Variants in SLC2A13 observed in about 807,000 individuals in gnomAD.
The protein encoded by SLC2A13 is proton myo-inositol cotransporter.
SLC2A13 carries 32 observed loss-of-function variants against 64.4 expected under a neutral mutation model. The observed-to-expected ratio is 0.50, with a 90% confidence interval of 0.37 to 0.67. The LOEUF (loss-of-function observed/expected upper bound fraction) is 0.67. Ranked by LOEUF, SLC2A13 falls within the 30% of genes least tolerant of loss-of-function variation. The pLI, the probability that SLC2A13 is intolerant of heterozygous loss-of-function variation, is 0.00. For missense variants in SLC2A13, 743 were observed against 829.2 expected, an observed-to-expected ratio of 0.90 and a Z score of 1.28; for synonymous variants, 338 against 327.1, an observed-to-expected ratio of 1.03 and a Z score of -0.36.
chr12:39,803,374 A>G (rs1385190066), intron 7 of SLC2A13, among the ~76,000 whole-genome samples: 1 of 152,202 alleles, frequency 6.6e-6, no homozygotes, highest in East Asian at 1.9e-4. Context: ...GTGGATAACA[A>G]CAATAAACAG....
chr12:39,919,667 G>A (rs1040566140), intron 4 of SLC2A13, among the ~76,000 whole-genome samples: 1 of 151,970 alleles, frequency 6.6e-6, no homozygotes, highest in African/African-American at 2.4e-5. Flanking sequence ...GGCTTGGATG[G>A]AAACACCCCC....
intron 3 of SLC2A13, among the ~76,000 whole-genome samples, chr12:40,003,594 G>A (rs1020254047): frequency 6.6e-6 from 1 of 151,928 alleles, no homozygotes; most frequent in South Asian, 2.1e-4. Context: ...TGACATGCCA[G>A]GCCCCTAATA....
At chr12:39,981,127 G>A (rs957153416) in intron 3 of SLC2A13, among the ~76,000 whole-genome samples, 23 of 151,500 alleles carry the variant, frequency 1.5e-4, no homozygotes, top group African/African-American at 4.6e-4. Context: ...TGAAACCAAC[G>A]AGAACAAAGA....
intron 1 of SLC2A13, among the ~76,000 whole-genome samples, chr12:40,093,207 T>A (rs181177860): frequency 9.2e-5 from 14 of 152,326 alleles, no homozygotes; most frequent in Admixed American, 5.9e-4. Context: ...AATACCTATT[T>A]TCTCCCAACC....
intron 7 of SLC2A13, among the ~76,000 whole-genome samples, chr12:39,813,656 T>C (rs1438572275): frequency 6.6e-6 from 1 of 152,182 alleles, no homozygotes; most frequent in African/African-American, 2.4e-5. Context: ...TGAATCAAGA[T>C]TCAAATAAGG....
At chr12:39,881,371 A>G (rs528946128) in intron 4 of SLC2A13, among the ~76,000 whole-genome samples, 116 of 152,286 alleles carry the variant, frequency 7.6e-4, no homozygotes, top group South Asian at 2.5e-3. Flanking sequence ...GATATGATGA[A>G]TTATTGTACA....
intron 3 of SLC2A13, among the ~76,000 whole-genome samples, chr12:39,990,067 G>A (rs1021409188): frequency 6.6e-6 from 1 of 152,066 alleles, no homozygotes; most frequent in South Asian, 2.1e-4. Context: ...TCCAAGTCTA[G>A]GACTCCTTCC....
chr12:40,033,071 C>T (rs1947928092), intron 2 of SLC2A13, among the ~76,000 whole-genome samples: 1 of 152,154 alleles, frequency 6.6e-6, no homozygotes, highest in African/African-American at 2.4e-5. Context: ...AACATTTACT[C>T]CCATGATTTC....
chr12:40,022,418 T>C (rs1947735174), intron 3 of SLC2A13, among the ~76,000 whole-genome samples: 1 of 152,234 alleles, frequency 6.6e-6, no homozygotes, highest in African/African-American at 2.4e-5. Context: ...ACTTCTCCTA[T>C]ATGATTAAAT....
At chr12:39,831,101 A>C (rs1481032718) in intron 6 of SLC2A13, among the ~76,000 whole-genome samples, 1 of 152,192 alleles carries the variant, frequency 6.6e-6, no homozygotes, top group Non-Finnish European at 1.5e-5. Flanking sequence ...GATGGCAAGC[A>C]CATGCAAGGT....
In SLC2A13 at chr12:39,757,885, T is replaced by C. The variant is rs964233345; in HGVS notation, c.*2141A>G. 3 of 152,196 alleles carry C rather than the reference T, an allele frequency of 2.0e-5. No homozygotes were observed. The highest frequency in any genetic ancestry group is 3.8e-4 in the East Asian group (2 of 5,312). 9.4% of individuals were successfully genotyped at this position (152,196 alleles called of 1,614,324 possible). A position where few individuals can be genotyped will look rare whatever the true frequency, so the allele number is the denominator to read the frequency against. On this transcript the variant is annotated 3_prime_UTR_variant, in exon 10 of 10. Coordinates refer to ENST00000280871, the MANE Select transcript of SLC2A13 (RefSeq NM_052885.4). ...GCTACATATACAATAAAGAGAAGGATTGAGGCAATTATTTTGATTAAGTCC... is the reference window on the plus strand; with the variant it reads ...GCTACATATACAATAAAGAGAAGGACTGAGGCAATTATTTTGATTAAGTCC...
At chr12:39,779,384 G>T (rs991324470) in intron 7 of SLC2A13, among the ~76,000 whole-genome samples, 1 of 151,958 alleles carries the variant, frequency 6.6e-6, no homozygotes, top group Non-Finnish European at 1.5e-5. Context: ...TCACTCTATT[G>T]CCTGAATTCT....
intron 4 of SLC2A13, chr12:39,908,287 AC>A (rs989361494): frequency 4.6e-5 from 7 of 151,328 alleles, no homozygotes; most frequent in Non-Finnish European, 4.4e-5. Context: ...TAATAATAAA[AC>A]CCCCCAAACA....
At chr12:39,843,987 G>A (rs925719074) in intron 6 of SLC2A13, among the ~76,000 whole-genome samples, 21 of 151,898 alleles carry the variant, frequency 1.4e-4, no homozygotes, top group Admixed American at 3.3e-4. Flanking sequence ...CACTCCACAC[G>A]TAGGTCATAG....
At chr12:39,964,158 C>T (rs568744258) in intron 3 of SLC2A13, among the ~76,000 whole-genome samples, 67 of 152,194 alleles carry the variant, frequency 4.4e-4, no homozygotes, top group African/African-American at 1.4e-3. Flanking sequence ...ATGAACTGAA[C>T]ATATGAGGCT....
chr12:40,064,690 T>G (rs1409779036), intron 1 of SLC2A13, among the ~76,000 whole-genome samples: 1 of 152,124 alleles, frequency 6.6e-6, no homozygotes, highest in African/African-American at 2.4e-5. Flanking sequence ...GCAAAATATT[T>G]CATCAAAATT....
rs773197114 is a variant in SLC2A13 at position 39,896,260 on chromosome 12, ATG to A, written c.1035-24301_1035-24300del. 6.6e-4 allele frequency among the ~76,000 whole-genome samples: 63 copies of A among 94,776 alleles called. 1 individual carries two copies. Among genetic ancestry groups the A allele is most frequent in the East Asian group, 3.2e-3 (9 of 2,770 alleles). The allele number at this position is 94,776 out of a possible 152,430, so 62.2% of individuals were successfully genotyped here. On this transcript the variant is annotated intron_variant, in intron 4 of 9. Coordinates refer to ENST00000280871, the MANE Select transcript of SLC2A13 (RefSeq NM_052885.4). ...TGTATATATGTATACATGTATGTAT[ATG>A]TGTGTATATATGTATACATGTATGT...
chr12:39,841,160 T>G (rs965517759), intron 6 of SLC2A13, among the ~76,000 whole-genome samples: 3 of 152,114 alleles, frequency 2.0e-5, no homozygotes, highest in African/African-American at 7.2e-5. Context: ...TTTATAGTAG[T>G]GAGGTCTACT....
chr12:40,080,627 G>C (rs1380464461), intron 1 of SLC2A13, among the ~76,000 whole-genome samples: 1 of 152,118 alleles, frequency 6.6e-6, no homozygotes, highest in Admixed American at 6.5e-5. Context: ...CCTGACCTCA[G>C]GTGATCCACC....
Sources: allele counts gnomAD v4.1 joint callset (sites outside exome capture counted in the v4.1 genomes callset), GRCh38; gene constraint gnomAD v4.1.1; transcripts MANE v1.5; gene names NCBI Gene and HGNC (gene_info 2026-07-23, HGNC 2026-07-21).